Variants in COL24A1 observed in about 807,000 individuals in gnomAD.
COL24A1 encodes the protein collagen alpha-1(XXIV) chain.
COL24A1 carries 224 observed loss-of-function variants against 253.9 expected under a neutral mutation model. The ratio of observed to expected loss-of-function variants is 0.88; its 90% confidence interval spans 0.79 to 0.99. The LOEUF (loss-of-function observed/expected upper bound fraction) is 0.99, where lower values mean the gene tolerates loss of function less well. Ranked by LOEUF, COL24A1 falls within the 50% of genes least tolerant of loss-of-function variation. COL24A1 has a pLI of 0.00. For missense variants in COL24A1, 2,131 were observed against 2,068.5 expected (o/e 1.03, Z -0.59); for synonymous variants, 685 against 673.7 (o/e 1.02, Z -0.26).
chr1:85,864,220 A>G (rs962429913), intron 37 of COL24A1, among the ~76,000 whole-genome samples: 8 of 152,350 alleles, frequency 5.3e-5, no homozygotes, highest in African/African-American at 1.9e-4. Context: ...CTATGCAGCC[A>G]TAAAAAAGGA....
intron 24 of COL24A1, among the ~76,000 whole-genome samples, chr1:85,960,062 A>T (rs760582405): frequency 6.6e-6 from 1 of 152,180 alleles, no homozygotes; most frequent in East Asian, 1.9e-4. Context: ...TTAATTAGGT[A>T]TGGCAATTAT....
At chr1:86,138,852 T>C (rs1451551349) in intron 2 of COL24A1, among the ~76,000 whole-genome samples, 1 of 152,138 alleles carries the variant, frequency 6.6e-6, no homozygotes, top group Non-Finnish European at 1.5e-5. Flanking sequence ...TATCTGCTTT[T>C]TTTTTTATCT....
intron 24 of COL24A1, among the ~76,000 whole-genome samples, chr1:85,920,715 A>C (rs80230591): frequency 3.9e-5 from 6 of 152,148 alleles, no homozygotes; most frequent in East Asian, 1.9e-4. Flanking sequence ...TTAAAAAAAA[A>C]CAGTAAGCTC....
At chr1:86,016,695 T>A (rs1010595135) in intron 19 of COL24A1, among the ~76,000 whole-genome samples, 2 of 152,202 alleles carry the variant, frequency 1.3e-5, no homozygotes, top group Admixed American at 1.3e-4. Flanking sequence ...ATATCAACCA[T>A]TAAACCAAAG....
chr1:86,074,522 C>A (rs1019428906), intron 7 of COL24A1, among the ~76,000 whole-genome samples: 1 of 152,006 alleles, frequency 6.6e-6, no homozygotes, highest in Admixed American at 6.6e-5. Context: ...ACTTTAACAC[C>A]CCACTGTCAA....
At chr1:85,814,246 G>T (rs1265443657) in intron 47 of COL24A1, among the ~76,000 whole-genome samples, 1 of 152,126 alleles carries the variant, frequency 6.6e-6, no homozygotes, top group Non-Finnish European at 1.5e-5. Context: ...CTTCATTCTT[G>T]TGTATTCTAG....
At position 85,842,317 on chromosome 1, in the gene COL24A1, T is replaced by G. The variant is rs192291211; in HGVS notation, c.3516+23A>C. ...ATAAAAATGTTTTCATGTGAATATATTTTTTCAATTATAAATACTTACCCT... is the reference window on the plus strand; with the variant it reads ...ATAAAAATGTTTTCATGTGAATATAGTTTTTCAATTATAAATACTTACCCT... On this transcript the variant is annotated intron_variant, in intron 40 of 59. Transcript: ENST00000370571. 2.3e-4 allele frequency: 350 copies of G among 1,530,506 alleles called. No homozygotes were observed. The African/African-American group carries it at 4.3e-3, about 19-fold the overall frequency. The allele number at this position is 1,530,506 out of a possible 1,614,324, so 94.8% of individuals were successfully genotyped here.
intron 51 of COL24A1, among the ~76,000 whole-genome samples, chr1:85,781,881 T>C (rs529262065): frequency 6.6e-6 from 1 of 152,312 alleles, no homozygotes; most frequent in Admixed American, 6.5e-5. Flanking sequence ...GGATTTCTGG[T>C]CAATTCCTCC....
At position 85,823,549 on chromosome 1, in the gene COL24A1, T is replaced by C; in HGVS notation, c.3776A>G (p.Glu1259Gly). The C allele has an allele frequency of 6.2e-7, 1 of 1,613,988 alleles. No individual in the cohort carries two copies. Residue 1259 changes from glutamate (E) to glycine (G), a missense_variant, in exon 45 of 60, where the codon GAG (glutamate) becomes GGG (glycine). Glu to Gly is a moderately conservative substitution (Grantham distance 98, BLOSUM62 -2). Transcript: ENST00000370571. ...ATTTCAACTTACTTCAGATCCTCTC[T>C]CTCCTTTTAGTCCTTGTTCACCCTG... is the stretch of plus-strand genomic sequence containing the variant. ...GDQGEQGLKG[E>G]RGSEGNKGKK...
At chr1:85,914,583 G>T (rs1002146162) in intron 24 of COL24A1, among the ~76,000 whole-genome samples, 2 of 151,912 alleles carry the variant, frequency 1.3e-5, no homozygotes, top group African/African-American at 4.8e-5. Flanking sequence ...TAGAGACAGG[G>T]TTTCACCATT....
At chr1:86,040,472 C>T (rs1244298627) in intron 12 of COL24A1, among the ~76,000 whole-genome samples, 2 of 114,086 alleles carry the variant, frequency 1.8e-5, no homozygotes, top group African/African-American at 6.7e-5. Context: ...CCCCTCCCCC[C>T]ACCCCTACAA....
intron 57 of COL24A1, among the ~76,000 whole-genome samples, chr1:85,740,495 G>A (rs992294685): frequency 1.3e-5 from 2 of 151,916 alleles, no homozygotes; most frequent in Admixed American, 6.6e-5. Flanking sequence ...TTGCTCTGTT[G>A]CCCAGGCTGG....
intron 5 of COL24A1, among the ~76,000 whole-genome samples, chr1:86,103,653 T>G (rs1011876037): frequency 1.3e-5 from 2 of 152,370 alleles, no homozygotes; most frequent in African/African-American, 2.4e-5. Context: ...TTAGTTTGGC[T>G]GGATACAAAA....
intron 8 of COL24A1, among the ~76,000 whole-genome samples, chr1:86,062,975 G>T (rs1348654396): frequency 2.6e-5 from 4 of 151,962 alleles, no homozygotes; most frequent in Non-Finnish European, 5.9e-5. Context: ...TCTCTGTGCT[G>T]ATTCTTTAAT....
intron 47 of COL24A1, among the ~76,000 whole-genome samples, chr1:85,813,496 G>T (rs1405902176): frequency 7.0e-6 from 1 of 143,190 alleles, no homozygotes; most frequent in South Asian, 2.2e-4. Flanking sequence ...TCTGGCAGGT[G>T]ACTTAGGTCA....
chr1:85,842,681 G>A (rs766665446), intron 39 of COL24A1, among the ~76,000 whole-genome samples: 13 of 151,944 alleles, frequency 8.6e-5, no homozygotes, highest in Admixed American at 2.0e-4. Flanking sequence ...GCTCCCTAAC[G>A]AATTATTGGA....
chr1:85,838,501 C>T (rs1433920935), intron 43 of COL24A1, 84 bp downstream of exon 43: 9 of 1,199,896 alleles, frequency 7.5e-6, no homozygotes, highest in Non-Finnish European at 9.9e-6. Flanking sequence ...TACTAATTAT[C>T]TCAATAATGG....
chr1:85,805,473 A>G (rs1191392449), intron 47 of COL24A1, among the ~76,000 whole-genome samples: 1 of 152,240 alleles, frequency 6.6e-6, no homozygotes, highest in African/African-American at 2.4e-5. Context: ...TTAAATCAGT[A>G]ATAACTACCT....
rs1426822813 is a variant in COL24A1 at position 85,849,422 on chromosome 1, T to C, written c.3301-16A>G. 2 of 1,592,984 alleles carry C rather than the reference T, an allele frequency of 1.3e-6. No individual in the cohort carries two copies. Among genetic ancestry groups the C allele is most frequent in the Admixed American group, 3.4e-5 (2 of 59,320 alleles). On this transcript the variant is annotated splice_polypyrimidine_tract_variant and intron_variant, in intron 37 of 59. Transcript: ENST00000370571. The stretch of plus-strand genomic sequence containing the variant: ...CTTCAGGTCCCTAAAATATTCAATA[T>C]AAAAAAGGAAATAAATGGTTAAAGA...
Sources: gnomAD v4.1 joint callset for allele counts (sites outside exome capture counted in the v4.1 genomes callset) on GRCh38, gnomAD v4.1.1 for gene constraint, MANE v1.5 for transcripts, NCBI Gene and HGNC (gene_info 2026-07-23, HGNC 2026-07-21) for gene names.